Variants in METTL22 observed in about 807,000 individuals in gnomAD.
METTL22 encodes the protein methyltransferase 22, Kin17 lysine.
In METTL22, 51 loss-of-function variants were observed where a neutral mutation model predicts 48.4. The ratio of observed to expected loss-of-function variants is 1.05; its 90% CI spans 0.84 to 1.33. The LOEUF (loss-of-function observed/expected upper bound fraction) is 1.33, where lower values mean the gene tolerates loss of function less well. Among genes scored for constraint, METTL22 ranks in the 40% most tolerant of loss-of-function variants. The pLI is 0.00. For missense variants in METTL22, 678 were observed against 526.9 expected (o/e 1.29, Z -2.81); for synonymous variants, 255 against 214.1 (o/e 1.19, Z -1.67).
chr16:8,657,858 C>T, the METTL22 span, among the ~76,000 whole-genome samples: 1 of 135,334 alleles, frequency 7.4e-6, no homozygotes, highest in Non-Finnish European at 1.5e-5. Context: ...TCTCTGTCAC[C>T]CAGGCTGGAG....
In METTL22 at chr16:8,646,764, T is replaced by C. The variant is rs1227664993; in HGVS notation, c.*621T>C. The C allele has an allele frequency of 3.2e-5, 14 of 437,666 alleles. No homozygotes were observed. The highest frequency in any genetic ancestry group is 2.2e-4 in the South Asian group (14 of 62,522). 27.1% of individuals were successfully genotyped at this position (437,666 alleles called of 1,614,324 possible). A position where few individuals can be genotyped will look rare whatever the true frequency, so the allele number is the denominator to read the frequency against. ...CTAAGAGCCACTCTTTGGGGTCATGTGCAGCTGACCAGGGTTTGTGCAGTG... is the reference window on the plus strand; with the variant it reads ...CTAAGAGCCACTCTTTGGGGTCATGCGCAGCTGACCAGGGTTTGTGCAGTG... On this transcript the variant is annotated 3_prime_UTR_variant, in exon 11 of 11. Transcript: ENST00000381920.
chr16:8,646,012 C>T (rs991116893), intron 10 of METTL22, 96 bp from the exon 11 acceptor site: 3 of 1,572,348 alleles, frequency 1.9e-6, no homozygotes, highest in Admixed American at 1.8e-5. Flanking sequence ...GACGTGTTGT[C>T]TAACTACTCT....
In METTL22 at chr16:8,635,260, G is replaced by T. The variant is rs35774820; in HGVS notation, c.648G>T (p.Thr216=). The T allele has an allele frequency of 6.2e-5, 100 of 1,607,070 alleles. No homozygotes were observed. In the African/African-American group the frequency reaches 1.2e-3, roughly 20 times the overall value. The change falls in exon 5 of 11, where the codon ACG becomes ACT. Residue 216 remains threonine (T), a synonymous_variant. Coordinates refer to ENST00000381920, the MANE Select transcript of METTL22 (RefSeq NM_024109.4). Reference sequence around the variant, plus strand: ...CAGCGCTGGAGCTCGGGGCCGGCACGGGGCTCGCTAGCATCATCGCAGCCA... The same window carrying T: ...CAGCGCTGGAGCTCGGGGCCGGCACTGGGCTCGCTAGCATCATCGCAGCCA... The part of the protein sequence containing the change: ...GCTALELGAG[T]GLASIIAATM...
At chr16:8,654,793 C>G in the METTL22 span, among the ~76,000 whole-genome samples, 2 of 152,198 alleles carry the variant, frequency 1.3e-5, 1 homozygote. Flanking sequence ...CCAGGCTCAT[C>G]TGAACTCCAT....
intron 7 of METTL22, 198 bp downstream of exon 7, chr16:8,641,382 C>G: frequency 1.5e-6 from 1 of 684,486 alleles, no homozygotes; most frequent in Non-Finnish European, 2.7e-6. Context: ...CTGGGCACCT[C>G]ACGTTCATTT....
intron 2 of METTL22, 46 bp from the exon 3 acceptor site, chr16:8,628,684 G>A: frequency 6.5e-7 from 1 of 1,548,916 alleles, no homozygotes; most frequent in Non-Finnish European, 8.7e-7. Flanking sequence ...AGGTAAAAAA[G>A]AAAACATCTT....
At chr16:8,667,099 T>A in the METTL22 span, 1 of 151,958 alleles carries the variant, frequency 6.6e-6, no homozygotes, top group African/African-American at 2.4e-5. Flanking sequence ...CCCGGCTCTG[T>A]CTCCTGATTT....
the METTL22 span, among the ~76,000 whole-genome samples, chr16:8,656,160 G>A: frequency 0.69 from 105,438 of 151,920 alleles, 37,519 homozygotes; most frequent in East Asian, 0.85. Flanking sequence ...AGTGCACCAC[G>A]GCCTCGAACT....
At chr16:8,643,114 C>G (rs2056675903) in intron 9 of METTL22, among the ~76,000 whole-genome samples, 1 of 152,202 alleles carries the variant, frequency 6.6e-6, no homozygotes, top group Non-Finnish European at 1.5e-5. Flanking sequence ...CAGTAGTCCA[C>G]AGCTTTTCTG....
the METTL22 span, among the ~76,000 whole-genome samples, chr16:8,664,941 T>A: frequency 6.6e-6 from 1 of 152,026 alleles, no homozygotes; most frequent in Non-Finnish European, 1.5e-5. Flanking sequence ...CGTCTCACTG[T>A]ATCACCCTGC....
chr16:8,646,196 A>G lies in METTL22; in HGVS notation c.*53A>G. ...TCGACTGTTCTTAGAGTGTATTTCT[A>G]GTAAAATCAGAAGCTCACCAAAGCA... On this transcript the variant is annotated 3_prime_UTR_variant, in exon 11 of 11. Coordinates refer to ENST00000381920, the MANE Select transcript of METTL22 (RefSeq NM_024109.4). The G allele has an allele frequency of 6.2e-7, 1 of 1,603,460 alleles. No individual in the cohort carries two copies. Among genetic ancestry groups the G allele is most frequent in the Non-Finnish European group, 8.5e-7 (1 of 1,171,014 alleles).
the METTL22 span, among the ~76,000 whole-genome samples, chr16:8,663,457 C>A: frequency 6.6e-6 from 1 of 152,030 alleles, no homozygotes; most frequent in Non-Finnish European, 1.5e-5. Flanking sequence ...AGTGCACCGT[C>A]CCTGAAAGGT....
chr16:8,638,535 G>T (rs1242190741), intron 5 of METTL22, among the ~76,000 whole-genome samples: 2 of 152,110 alleles, frequency 1.3e-5, no homozygotes, highest in African/African-American at 4.8e-5. Context: ...AGTGAATCGC[G>T]CTCAAGAGAG....
chr16:8,626,511 C>T (rs1359737361), intron 2 of METTL22, among the ~76,000 whole-genome samples: 10 of 148,418 alleles, frequency 6.7e-5, no homozygotes, highest in African/African-American at 2.0e-4. Context: ...TGCAGTGGCG[C>T]GACCTCGGCT....
chr16:8,633,912 G>T (rs1264459142), intron 3 of METTL22, among the ~76,000 whole-genome samples: 5 of 152,242 alleles, frequency 3.3e-5, no homozygotes, highest in Non-Finnish European at 7.3e-5. Context: ...CCCAGGGCTT[G>T]CTCACAGAAT....
chr16:8,638,977 G>A (rs2056507750), intron 5 of METTL22, 114 bp from the exon 6 acceptor site: 5 of 1,031,292 alleles, frequency 4.8e-6, no homozygotes, highest in Non-Finnish European at 7.5e-6. Context: ...TAGGAGAAAC[G>A]TTTCTCTAAT....
the METTL22 span, among the ~76,000 whole-genome samples, chr16:8,657,895 C>G: frequency 6.7e-6 from 1 of 149,264 alleles, no homozygotes; most frequent in African/African-American, 2.5e-5. Context: ...TAGCTCAGTG[C>G]AGCCTCAACC....
chr16:8,664,611 C>G, the METTL22 span, among the ~76,000 whole-genome samples: 2 of 152,014 alleles, frequency 1.3e-5, no homozygotes. Context: ...TACCACCACA[C>G]CAGGCTAATT....
downstream of METTL22, among the ~76,000 whole-genome samples, chr16:8,651,320 G>C (rs938271463): frequency 7.3e-6 from 1 of 137,186 alleles, no homozygotes. Flanking sequence ...CCGGGAGGCG[G>C]AGCTTGCAGT....
Sources: allele counts gnomAD v4.1 joint callset (sites outside exome capture counted in the v4.1 genomes callset), GRCh38; gene constraint gnomAD v4.1.1; transcripts MANE v1.5; gene names NCBI Gene and HGNC (gene_info 2026-07-23, HGNC 2026-07-21).